Variants in OCA2 observed in about 807,000 individuals in gnomAD.
OCA2 encodes OCA2 melanosomal transmembrane protein.
In OCA2, 77 loss-of-function variants were observed where a neutral mutation model predicts 100.2. The ratio of observed to expected loss-of-function variants is 0.77; its 90% CI spans 0.64 to 0.93. The LOEUF is 0.93. Ranked by LOEUF, OCA2 falls within the 40% of genes least tolerant of loss-of-function variation. The pLI is 0.00. For synonymous variants in OCA2, 432 were observed against 439.2 expected, an observed-to-expected ratio of 0.98 and a Z score of 0.21; for missense variants, 1,062 against 1,089.1, an observed-to-expected ratio of 0.98 and a Z score of 0.35.
chr15:27,998,228 C>A (rs2041811878), intron 9 of OCA2, among the ~76,000 whole-genome samples: 1 of 89,122 alleles, frequency 1.1e-5, no homozygotes, highest in South Asian at 2.6e-4. Context: ...AGCTTCTGCA[C>A]AGCAAAAGAA....
intron 19 of OCA2, among the ~76,000 whole-genome samples, chr15:27,900,241 T>C (rs948814585): frequency 5.9e-5 from 9 of 152,120 alleles, no homozygotes; most frequent in African/African-American, 2.2e-4. Context: ...TGGGTGGAGA[T>C]TTAAGATGCT....
intron 18 of OCA2, among the ~76,000 whole-genome samples, chr15:27,936,526 T>G (rs778909983): frequency 6.6e-6 from 1 of 152,222 alleles, no homozygotes; most frequent in Non-Finnish European, 1.5e-5. Context: ...CTGCACTGCT[T>G]GGCCATCAGC....
intron 21 of OCA2, among the ~76,000 whole-genome samples, chr15:27,866,754 G>C (rs2036341537): frequency 1.3e-5 from 2 of 152,214 alleles, no homozygotes; most frequent in South Asian, 4.1e-4. Context: ...CTGAGGTAGG[G>C]ATGGAGAAAG....
chr15:27,934,116 T>C (rs1430460618), intron 18 of OCA2, among the ~76,000 whole-genome samples: 2 of 152,028 alleles, frequency 1.3e-5, no homozygotes, highest in African/African-American at 2.4e-5. Context: ...TTTAACCATA[T>C]ATTTTTTTAA....
intron 18 of OCA2, among the ~76,000 whole-genome samples, chr15:27,942,569 T>G (rs1398378198): frequency 2.0e-5 from 3 of 152,054 alleles, no homozygotes; most frequent in African/African-American, 7.2e-5. Context: ...ATGAGGAAAG[T>G]GTTCTGGAAT....
chr15:27,933,334 C>A (rs2039325645), intron 18 of OCA2, among the ~76,000 whole-genome samples: 1 of 134,932 alleles, frequency 7.4e-6, no homozygotes, highest in South Asian at 2.2e-4. Context: ...TTACATTAAA[C>A]AGACAGAAGG....
chr15:28,000,591 C>A (rs1279505431), intron 9 of OCA2, among the ~76,000 whole-genome samples: 1 of 151,882 alleles, frequency 6.6e-6, no homozygotes, highest in Non-Finnish European at 1.5e-5. Context: ...GCCCAGGTAA[C>A]AAAAGCAAAA....
intron 15 of OCA2, among the ~76,000 whole-genome samples, chr15:27,963,524 G>A (rs1183479303): frequency 6.6e-6 from 1 of 151,550 alleles, no homozygotes; most frequent in African/African-American, 2.4e-5. Flanking sequence ...ATTATCCAAG[G>A]ATCAAAGAAA....
chr15:27,971,912 AC>A (rs1002870011), intron 14 of OCA2, among the ~76,000 whole-genome samples: 7 of 152,036 alleles, frequency 4.6e-5, no homozygotes, highest in African/African-American at 1.7e-4. Context: ...ATTTTAGTGC[AC>A]CCATCACCAG....
intron 9 of OCA2, among the ~76,000 whole-genome samples, chr15:28,010,204 C>CA (rs1206785917): frequency 2.6e-5 from 4 of 151,864 alleles, no homozygotes; most frequent in South Asian, 2.1e-4. Flanking sequence ...AAAAACACAA[C>CA]AAAAAACCCC....
chr15:28,035,833 T>C lies in OCA2; in HGVS notation c.228-3670A>G, dbSNP rs151080376. Among the ~76,000 whole-genome samples the C allele has an allele frequency of 1.4e-4, 21 of 152,262 alleles. No individual in the cohort carries two copies. In the East Asian group the frequency reaches 4.1e-3, roughly 29 times the overall value. On this transcript the variant is annotated intron_variant, in intron 2 of 23. Coordinates refer to ENST00000354638, the MANE Select transcript of OCA2 (RefSeq NM_000275.3). ...ATAAATGCCTATACATTTATACTTATTTTAAAGGAAATTACAGAAGATAAC... is the reference window on the plus strand; with the variant it reads ...ATAAATGCCTATACATTTATACTTACTTTAAAGGAAATTACAGAAGATAAC...
intron 23 of OCA2, among the ~76,000 whole-genome samples, chr15:27,813,260 C>T (rs903739969): frequency 6.6e-6 from 1 of 152,090 alleles, no homozygotes; most frequent in Admixed American, 6.5e-5. Context: ...GCAGGCTCTC[C>T]GGGGTCCCAG....
intron 18 of OCA2, among the ~76,000 whole-genome samples, chr15:27,928,936 G>A (rs1276007903): frequency 6.6e-6 from 1 of 152,050 alleles, no homozygotes; most frequent in Non-Finnish European, 1.5e-5. Flanking sequence ...TAACATATAT[G>A]GCCATTAATA....
chr15:27,835,908 G>A (rs1020124354), intron 23 of OCA2, among the ~76,000 whole-genome samples: 1 of 152,184 alleles, frequency 6.6e-6, no homozygotes, highest in Non-Finnish European at 1.5e-5. Flanking sequence ...GTGGAGGGGG[G>A]GTGGTCACCC....
At chr15:27,801,410 A>G (rs1436069581) in intron 23 of OCA2, among the ~76,000 whole-genome samples, 1 of 151,982 alleles carries the variant, frequency 6.6e-6, no homozygotes, top group East Asian at 1.9e-4. Flanking sequence ...AAATTAGCTG[A>G]GTGTGGCGGC....
intron 19 of OCA2, among the ~76,000 whole-genome samples, chr15:27,911,511 C>T (rs2038395197): frequency 6.6e-6 from 1 of 152,184 alleles, no homozygotes; most frequent in African/African-American, 2.4e-5. Flanking sequence ...CTGCATCTGA[C>T]GAGGACCTCC....
At chr15:28,074,389 A>C (rs1175818841) in intron 2 of OCA2, among the ~76,000 whole-genome samples, 3 of 151,918 alleles carry the variant, frequency 2.0e-5, no homozygotes, top group Admixed American at 1.3e-4. Context: ...AATACAAAAA[A>C]AATGGCCGGG....
intron 1 of OCA2, among the ~76,000 whole-genome samples, chr15:28,095,446 G>A (rs1203838339): frequency 6.6e-6 from 1 of 152,244 alleles, no homozygotes. Context: ...GCCGGGCGCG[G>A]TGGCTCACAC....
rs898800548 is a variant in OCA2 at position 27,951,685 on chromosome 15, C to T, written c.1951+99G>A. 3.9e-5 allele frequency: 35 copies of T among 887,072 alleles called. No homozygotes were observed. In the Middle Eastern group the frequency reaches 1.9e-3, roughly 48 times the overall value. 55.0% of individuals were successfully genotyped at this position (887,072 alleles called of 1,614,324 possible). Reference sequence around the variant, plus strand: ...AGCCCTCTCTGGCCTTCCACCAGCCCGGCTGCCTGTGGGCAAAGTCAGTGT... The same window carrying T: ...AGCCCTCTCTGGCCTTCCACCAGCCTGGCTGCCTGTGGGCAAAGTCAGTGT... On this transcript the variant is annotated intron_variant, in intron 18 of 23. Coordinates refer to ENST00000354638, the MANE Select transcript of OCA2 (RefSeq NM_000275.3).
Sources: gnomAD v4.1 joint callset for allele counts (sites outside exome capture counted in the v4.1 genomes callset) on GRCh38, gnomAD v4.1.1 for gene constraint, MANE v1.5 for transcripts, NCBI Gene and HGNC (gene_info 2026-07-23, HGNC 2026-07-21) for gene names.